The following CFAP299 variants were observed in gnomAD, a reference collection of about 807,000 sequenced individuals.
The protein encoded by CFAP299 is cilia- and flagella-associated protein 299.
CFAP299 carries 21 observed loss-of-function variants against 27.0 expected under a neutral mutation model. That is an observed-to-expected ratio of 0.78 (90% CI 0.55 to 1.12). CFAP299 has a LOEUF of 1.12. CFAP299 is among the 50% of genes most tolerant of loss of function. The pLI, the probability that CFAP299 is intolerant of heterozygous loss-of-function variation, is 0.00. For missense variants in CFAP299, 310 were observed against 276.6 expected (o/e 1.12, Z -0.86); for synonymous variants, 104 against 98.1 (o/e 1.06, Z -0.36).
chr4:80,875,486 C>G (rs1442248288), intron 4 of CFAP299, among the ~76,000 whole-genome samples: 2 of 151,904 alleles, frequency 1.3e-5, no homozygotes, highest in African/African-American at 4.8e-5. Context: ...ATGGTGAAAC[C>G]CCGTCTCTAC....
intron 3 of CFAP299, among the ~76,000 whole-genome samples, chr4:80,642,271 A>T (rs1739765784): frequency 6.6e-6 from 1 of 152,238 alleles, no homozygotes; most frequent in Non-Finnish European, 1.5e-5. Flanking sequence ...GCAACTGATT[A>T]AATTTGGATT....
At chr4:80,846,029 G>A (rs1320633215) in intron 3 of CFAP299, among the ~76,000 whole-genome samples, 1 of 152,022 alleles carries the variant, frequency 6.6e-6, no homozygotes, top group Non-Finnish European at 1.5e-5. Context: ...ATTATTGCAT[G>A]TTTTGTCTAT....
rs1323988135 is a variant in CFAP299 at position 80,799,987 on chromosome 4, T to C, written c.334-70006T>C. On this transcript the variant is annotated intron_variant, in intron 3 of 5. Coordinates refer to ENST00000358105, the MANE Select transcript of CFAP299 (RefSeq NM_152770.3). ...TAATATTTATATAATATAATATATGTAATATATATTATGATATATAATAAG... is the reference window on the plus strand; with the variant it reads ...TAATATTTATATAATATAATATATGCAATATATATTATGATATATAATAAG... Among the ~76,000 whole-genome samples, 41 of 57,076 alleles carry C rather than the reference T, an allele frequency of 7.2e-4. 2 individuals are homozygous for C. The highest frequency in any genetic ancestry group is 3.0e-3 in the African/African-American group (40 of 13,342). 37.4% of individuals were successfully genotyped at this position (57,076 alleles called of 152,430 possible).
intron 2 of CFAP299, among the ~76,000 whole-genome samples, chr4:80,404,093 C>G (rs1158502341): frequency 6.6e-6 from 1 of 152,070 alleles, no homozygotes; most frequent in Non-Finnish European, 1.5e-5. Flanking sequence ...TTACAAAAAC[C>G]TACACCTACA....
chr4:80,911,214 TTG>T, intron 4 of CFAP299, among the ~76,000 whole-genome samples: 1 of 149,086 alleles, frequency 6.7e-6, no homozygotes, highest in South Asian at 2.1e-4. Flanking sequence ...TTTTGCTTGG[TTG>T]TTTTTTTTTT....
intron 2 of CFAP299, among the ~76,000 whole-genome samples, chr4:80,535,346 T>TCAC (rs1560612281): frequency 1.5e-4 from 11 of 72,400 alleles, no homozygotes; most frequent in South Asian, 1.1e-3. Flanking sequence ...AGAGCTTCAA[T>TCAC]TAGCCGGGCG....
intron 3 of CFAP299, among the ~76,000 whole-genome samples, chr4:80,589,182 A>G (rs1218609881): frequency 1.3e-5 from 2 of 152,088 alleles, no homozygotes; most frequent in Non-Finnish European, 2.9e-5. Context: ...TAACTCAATT[A>G]CTCCTGATTT....
At chr4:80,596,562 C>T (rs554244325) in intron 3 of CFAP299, among the ~76,000 whole-genome samples, 3 of 151,548 alleles carry the variant, frequency 2.0e-5, no homozygotes, top group Non-Finnish European at 4.4e-5. Flanking sequence ...TTTCTGGATA[C>T]TCCCTATACA....
chr4:80,436,516 A>G (rs2110082788), intron 2 of CFAP299, among the ~76,000 whole-genome samples: 1 of 152,116 alleles, frequency 6.6e-6, no homozygotes, highest in African/African-American at 2.4e-5. Flanking sequence ...GTTAGCCAGG[A>G]TGGTCTCAAT....
At chr4:80,447,172 G>T (rs1427546890) in intron 2 of CFAP299, among the ~76,000 whole-genome samples, 3 of 103,508 alleles carry the variant, frequency 2.9e-5, no homozygotes, top group Non-Finnish European at 5.2e-5. Context: ...GTCTCGCTCT[G>T]TCACCCAGGC....
chr4:80,664,430 T>A (rs1313553536), intron 3 of CFAP299, among the ~76,000 whole-genome samples: 1 of 152,148 alleles, frequency 6.6e-6, no homozygotes, highest in Non-Finnish European at 1.5e-5. Context: ...CTTTCAGAGA[T>A]GCCCTGCCCA....
intron 3 of CFAP299, among the ~76,000 whole-genome samples, chr4:80,798,914 T>C (rs182667036): frequency 6.6e-6 from 1 of 151,630 alleles, no homozygotes; most frequent in African/African-American, 2.4e-5. Flanking sequence ...GTGTTCTCCA[T>C]ACTATTGGAA....
chr4:80,609,741 G>A (rs770784433), intron 3 of CFAP299, among the ~76,000 whole-genome samples: 5 of 151,468 alleles, frequency 3.3e-5, no homozygotes, highest in Non-Finnish European at 7.4e-5. Context: ...TAACTGTTTT[G>A]GTAGTTCTCT....
chr4:80,328,253 C>T, the CFAP299 span, among the ~76,000 whole-genome samples: 2 of 152,034 alleles, frequency 1.3e-5, no homozygotes, highest in African/African-American at 4.8e-5. Flanking sequence ...GTCAAAGGAG[C>T]TCACTTGTTT....
intron 4 of CFAP299, among the ~76,000 whole-genome samples, chr4:80,920,757 TG>T (rs1402264121): frequency 6.6e-6 from 1 of 152,102 alleles, no homozygotes; most frequent in Non-Finnish European, 1.5e-5. Context: ...TTCTACCTTC[TG>T]GGGTGCATGT....
At chr4:80,811,697 T>C (rs1729162080) in intron 3 of CFAP299, among the ~76,000 whole-genome samples, 1 of 152,160 alleles carries the variant, frequency 6.6e-6, no homozygotes, top group Non-Finnish European at 1.5e-5. Flanking sequence ...GAAGCTGCAT[T>C]GCTGGAGAGT....
chr4:80,758,833 T>C (rs775484349), intron 3 of CFAP299, among the ~76,000 whole-genome samples: 8 of 152,170 alleles, frequency 5.3e-5, no homozygotes, highest in Non-Finnish European at 1.0e-4. Context: ...ATATCAAAGA[T>C]GACCATAAAG....
At chr4:80,819,943 T>G (rs1225771083) in intron 3 of CFAP299, among the ~76,000 whole-genome samples, 1 of 152,154 alleles carries the variant, frequency 6.6e-6, no homozygotes, top group Non-Finnish European at 1.5e-5. Flanking sequence ...CTTGGAAAAC[T>G]AAGACCTTTT....
At chr4:80,501,600 A>T (rs1731749028) in intron 2 of CFAP299, among the ~76,000 whole-genome samples, 1 of 150,090 alleles carries the variant, frequency 6.7e-6, no homozygotes, top group South Asian at 2.1e-4. Context: ...CAATGAATTT[A>T]TTAAAATTAG....
Sources: gnomAD v4.1 joint callset for allele counts (sites outside exome capture counted in the v4.1 genomes callset) on GRCh38, gnomAD v4.1.1 for gene constraint, MANE v1.5 for transcripts, NCBI Gene and HGNC (gene_info 2026-07-23, HGNC 2026-07-21) for gene names.